Variants in TMEM94 observed in about 807,000 individuals in gnomAD.
TMEM94 encodes transmembrane protein 94.
A neutral mutation model predicts 158.6 loss-of-function variants in TMEM94; 81 were observed. The observed-to-expected ratio is 0.51, with a 90% CI of 0.43 to 0.61. TMEM94 has a LOEUF of 0.61. TMEM94 is among the 20% of genes least tolerant of loss of function. TMEM94 has a pLI of 0.00. For missense variants in TMEM94, 1,435 were observed against 1,762.0 expected (o/e 0.81, Z 3.32); for synonymous variants, 751 against 730.7 (o/e 1.03, Z -0.45).
intron 1 of TMEM94, among the ~76,000 whole-genome samples, chr17:75,469,112 T>G (rs2050406890): frequency 6.6e-6 from 1 of 152,020 alleles, no homozygotes; most frequent in East Asian, 1.9e-4. Context: ...GGGCTGCCCA[T>G]CGTGTGTTCA....
Position 75,495,525 on chromosome 17 carries a change from G to T in TMEM94, c.2845-19G>T, listed in dbSNP as rs774507035. ...GCTGATCCCCATCCCGAAGCCGCTG[G>T]CATCTCTGCTTTCTCCAGGCCAAGC... is the stretch of plus-strand genomic sequence containing the variant. On this transcript the variant is annotated intron_variant, in intron 21 of 31. Coordinates refer to ENST00000314256, the MANE Select transcript of TMEM94 (RefSeq NM_014738.6). The surrounding 1 kb of genome is among the most constrained non-coding windows in gnomAD (Gnocchi z 5.6). 2.5e-6 allele frequency: 4 copies of T among 1,612,616 alleles called. No individual in the cohort carries two copies. The highest frequency in any genetic ancestry group is 3.4e-6 in the Non-Finnish European group (4 of 1,179,364).
At position 75,491,262 on chromosome 17, in the gene TMEM94, A is replaced by T; in HGVS notation, c.1234-41A>T. On this transcript the variant is annotated intron_variant, in intron 12 of 31. Transcript: ENST00000314256. This position sits in a 1 kb window ranked among gnomAD's most constrained non-coding sequence, Gnocchi z 5.1. Reference sequence around the variant, plus strand: ...GAGTGGCCCCTGGGCAGGATAGGCTAATGCCAGGCCCCTTTCCTATCTCAA... The same window carrying T: ...GAGTGGCCCCTGGGCAGGATAGGCTTATGCCAGGCCCCTTTCCTATCTCAA... 3.2e-6 allele frequency: 5 copies of T among 1,552,550 alleles called. No homozygotes were observed. Among genetic ancestry groups the T allele is most frequent in the Non-Finnish European group, 4.4e-6 (5 of 1,127,006 alleles).
intron 5 of TMEM94, 32 bp downstream of exon 5, chr17:75,486,458 A>G (rs770162427): frequency 1.2e-6 from 2 of 1,613,802 alleles, no homozygotes; most frequent in South Asian, 1.1e-5. Flanking sequence ...TTGGTGGGAA[A>G]AGATGACCGG....
At chr17:75,499,185 T>TC in intron 31 of TMEM94, 77 bp from the exon 32 acceptor site, 3 of 1,595,014 alleles carry the variant, frequency 1.9e-6, no homozygotes, top group Non-Finnish European at 2.6e-6. Context: ...CATCCCTCCC[T>TC]CCTCCTCTGG....
At position 75,500,030 on chromosome 17, in the gene TMEM94, G is replaced by C. The variant is rs571172426; in HGVS notation, c.*696G>C. The C allele has an allele frequency of 6.5e-6, 1 of 152,916 alleles. No homozygotes were observed. The highest frequency in any genetic ancestry group is 6.5e-5 in the Admixed American group (1 of 15,350). The allele number at this position is 152,916 out of a possible 1,614,324, so 9.5% of individuals were successfully genotyped here. A position where few individuals can be genotyped will look rare whatever the true frequency, so the allele number is the denominator to read the frequency against. The stretch of plus-strand genomic sequence containing the variant: ...CTGGTGTATATTTTTTACTGGAAAT[G>C]AGCCTTTTAGGAATGAATGTAGACT... On this transcript the variant is annotated 3_prime_UTR_variant, in exon 32 of 32. Transcript: ENST00000314256.
chr17:75,462,684 A>G (rs542630162), intron 1 of TMEM94, among the ~76,000 whole-genome samples: 23 of 151,156 alleles, frequency 1.5e-4, no homozygotes, highest in Non-Finnish European at 3.1e-4. Context: ...CTCTATTAAA[A>G]AAAATTAAAA....
At position 75,492,154 on chromosome 17, in the gene TMEM94, C is replaced by A; in HGVS notation, c.1596+254C>A. The A allele has an allele frequency of 1.0e-6, 1 of 965,858 alleles. No individual in the cohort carries two copies. Among genetic ancestry groups the A allele is most frequent in the Non-Finnish European group, 1.5e-6 (1 of 673,146 alleles). 59.8% of individuals were successfully genotyped at this position (965,858 alleles called of 1,614,324 possible). Reference sequence around the variant, plus strand: ...ACTGGAACCTTCCAAATATACACAGCCCGGAGCTCCCTCTTAGAGATGTTC... The same window carrying A: ...ACTGGAACCTTCCAAATATACACAGACCGGAGCTCCCTCTTAGAGATGTTC... On this transcript the variant is annotated intron_variant, in intron 14 of 31. Transcript: ENST00000314256. This position sits in a 1 kb window ranked among gnomAD's most constrained non-coding sequence, Gnocchi z 4.4.
At position 75,489,059 on chromosome 17, in the gene TMEM94, CT is replaced by C; in HGVS notation, c.764+151del. The C allele has an allele frequency of 1.0e-6, 1 of 994,520 alleles. No individual in the cohort carries two copies. Among genetic ancestry groups the C allele is most frequent in the Non-Finnish European group, 1.5e-6 (1 of 672,906 alleles). The allele number at this position is 994,520 out of a possible 1,614,324, so 61.6% of individuals were successfully genotyped here. ...CTGTCCTTAACATCTTGTGAGAATT[CT>C]TAGACTGAGTGGTGCCCTCTCCCAG... On this transcript the variant is annotated intron_variant, in intron 7 of 31. Transcript: ENST00000314256. This position sits in a 1 kb window ranked among gnomAD's most constrained non-coding sequence, Gnocchi z 5.0.
intron 1 of TMEM94, among the ~76,000 whole-genome samples, chr17:75,471,097 C>T (rs1433317677): frequency 1.3e-5 from 2 of 150,806 alleles, no homozygotes; most frequent in Non-Finnish European, 1.5e-5. Context: ...ATTAGCCGGG[C>T]GTGGTGGCAA....
At chr17:75,477,992 C>T (rs1352642531) in intron 2 of TMEM94, among the ~76,000 whole-genome samples, 2 of 133,382 alleles carry the variant, frequency 1.5e-5, no homozygotes, top group Non-Finnish European at 1.6e-5. Flanking sequence ...GGCAACAAAG[C>T]GAGACTCCAT....
chr17:75,499,173 C>T (rs1002637243), intron 31 of TMEM94, 89 bp from the exon 32 acceptor site: 1 of 1,588,296 alleles, frequency 6.3e-7, no homozygotes, highest in African/African-American at 1.3e-5. Flanking sequence ...CTTTCCGCTG[C>T]CCATCCCTCC....
At position 75,498,041 on chromosome 17, in the gene TMEM94, C is replaced by A; in HGVS notation, c.3490-134C>A. The A allele has an allele frequency of 1.6e-6, 2 of 1,281,598 alleles. No homozygotes were observed. Among genetic ancestry groups the A allele is most frequent in the African/African-American group, 1.5e-5 (1 of 67,856 alleles). 79.4% of individuals were successfully genotyped at this position (1,281,598 alleles called of 1,614,324 possible). A position where few individuals can be genotyped will look rare whatever the true frequency, so the allele number is the denominator to read the frequency against. ...GGTAGTGGCACAGAGCTGGGAAAGA[C>A]CCTTGCTGGGGCTTGAGCTCCCTAT... On this transcript the variant is annotated intron_variant, in intron 27 of 31. Transcript: ENST00000314256. This position sits in a 1 kb window ranked among gnomAD's most constrained non-coding sequence, Gnocchi z 6.7.
chr17:75,460,595 C>A (rs906479241), intron 1 of TMEM94, among the ~76,000 whole-genome samples: 40 of 121,834 alleles, frequency 3.3e-4, no homozygotes, highest in African/African-American at 1.4e-3. Context: ...CTTACGGCAG[C>A]CTTGATCTTC....
chr17:75,463,160 ATGTGTG>A (rs66559909), intron 1 of TMEM94, among the ~76,000 whole-genome samples: 2 of 18,080 alleles, frequency 1.1e-4, no homozygotes, highest in Admixed American at 5.8e-4. Context: ...ACGTATATAT[ATGTGTG>A]TGTGTGTGTG....
At position 75,495,170 on chromosome 17, in the gene TMEM94, G is replaced by A. The variant is rs2052565727; in HGVS notation, c.2729-114G>A. 2 of 1,414,264 alleles carry A rather than the reference G, an allele frequency of 1.4e-6. No individual in the cohort carries two copies. Among genetic ancestry groups the A allele is most frequent in the Non-Finnish European group, 1.9e-6 (2 of 1,039,410 alleles). The allele number at this position is 1,414,264 out of a possible 1,614,324, so 87.6% of individuals were successfully genotyped here. On this transcript the variant is annotated intron_variant, in intron 20 of 31. Coordinates refer to ENST00000314256, the MANE Select transcript of TMEM94 (RefSeq NM_014738.6). This position sits in a 1 kb window ranked among gnomAD's most constrained non-coding sequence, Gnocchi z 5.6. ...TGGGAAATGGCTCTGATGTCCCTGCGGGAAACAGTAGTCAGCAGGAAGGAG... is the reference window on the plus strand; with the variant it reads ...TGGGAAATGGCTCTGATGTCCCTGCAGGAAACAGTAGTCAGCAGGAAGGAG...
chr17:75,478,424 C>T (rs1220883128), intron 2 of TMEM94, among the ~76,000 whole-genome samples: 1 of 151,876 alleles, frequency 6.6e-6, no homozygotes, highest in East Asian at 1.9e-4. Context: ...CTCTGGGTCA[C>T]CTGAGAAACC....
At chr17:75,482,525 TA>T (rs2051253296) in intron 2 of TMEM94, among the ~76,000 whole-genome samples, 4 of 12,914 alleles carry the variant, frequency 3.1e-4, no homozygotes, top group Non-Finnish European at 6.2e-4. Flanking sequence ...AATATATATA[TA>T]TGTATGTATG....
chr17:75,469,953 A>T (rs1449304724), intron 1 of TMEM94, among the ~76,000 whole-genome samples: 1 of 151,924 alleles, frequency 6.6e-6, no homozygotes. Context: ...CATGCCTGTA[A>T]TCCCAGCTAC....
At chr17:75,494,867 G>A (rs752861630) in intron 19 of TMEM94, 29 bp from the exon 20 acceptor site, 56 of 1,613,056 alleles carry the variant, frequency 3.5e-5, no homozygotes, top group Non-Finnish European at 4.1e-5. Flanking sequence ...TTTTGGGCCC[G>A]TATGTTCATG....
Sources: gnomAD v4.1 joint callset for allele counts (sites outside exome capture counted in the v4.1 genomes callset) on GRCh38, gnomAD v4.1.1 for gene constraint, Gnocchi (gnomAD v3.1) non-coding constraint, MANE v1.5 for transcripts, NCBI Gene and HGNC (gene_info 2026-07-23, HGNC 2026-07-21) for gene names.